The following SYTL3 variants were observed in gnomAD, a reference collection of about 807,000 sequenced individuals.
SYTL3 encodes the protein synaptotagmin like 3, also known as synaptotagmin-like protein 3.
In SYTL3, 88 loss-of-function variants were observed where a neutral mutation model predicts 82.1. The observed-to-expected ratio is 1.07, with a 90% CI of 0.90 to 1.28. The LOEUF (loss-of-function observed/expected upper bound fraction) is 1.28. SYTL3 is among the 50% of genes most tolerant of loss of function. The probability of loss-of-function intolerance (pLI) is 0.00; values close to 1 mark genes in which losing one functional copy is unlikely to be tolerated. For synonymous variants in SYTL3, 311 were observed against 289.4 expected, an observed-to-expected ratio of 1.07 and a Z score of -0.76; for missense variants, 831 against 757.6, an observed-to-expected ratio of 1.10 and a Z score of -1.14.
At chr6:158,750,007 A>G (rs1788193173) in intron 12 of SYTL3, among the ~76,000 whole-genome samples, 1 of 152,204 alleles carries the variant, frequency 6.6e-6, no homozygotes, top group Admixed American at 6.5e-5. Flanking sequence ...ACATAAGACA[A>G]ATGTTCATCA....
At chr6:158,669,161 T>G (rs1777082453) in intron 5 of SYTL3, among the ~76,000 whole-genome samples, 2 of 152,248 alleles carry the variant, frequency 1.3e-5, no homozygotes, top group Admixed American at 1.3e-4. Flanking sequence ...CTTTGTATGT[T>G]TGTTTTAGCT....
intron 2 of SYTL3, among the ~76,000 whole-genome samples, chr6:158,659,378 G>A (rs146168642): frequency 7.4e-4 from 113 of 152,138 alleles, no homozygotes; most frequent in African/African-American, 2.3e-3. Flanking sequence ...TTCTTGAGAC[G>A]GAGTTTCACT....
At chr6:158,654,217 G>A (rs1788401475) in intron 2 of SYTL3, among the ~76,000 whole-genome samples, 1 of 152,118 alleles carries the variant, frequency 6.6e-6, no homozygotes, top group African/African-American at 2.4e-5. Flanking sequence ...TGATCCTTGG[G>A]TTTTGTACTC....
At chr6:158,656,679 T>C (rs1788715578) in intron 2 of SYTL3, among the ~76,000 whole-genome samples, 1 of 151,682 alleles carries the variant, frequency 6.6e-6, no homozygotes, top group Admixed American at 6.6e-5. Context: ...GAGTGGAGAT[T>C]GTGCCACTGC....
At chr6:158,645,666 A>G (rs144403230), upstream of SYTL3, among the ~76,000 whole-genome samples, 42 of 152,252 alleles carry the variant, frequency 2.8e-4, no homozygotes, top group African/African-American at 9.6e-4. Context: ...AAAGATTGAT[A>G]TCTCTCATCT....
intron 6 of SYTL3, among the ~76,000 whole-genome samples, chr6:158,705,392 G>A (rs1422923850): frequency 6.7e-6 from 1 of 149,326 alleles, no homozygotes; most frequent in Non-Finnish European, 1.5e-5. Flanking sequence ...GACAGTGAGG[G>A]CTGTAAGGCC....
At chr6:158,645,141 C>T (rs1301356567), upstream of SYTL3, among the ~76,000 whole-genome samples, 6 of 152,158 alleles carry the variant, frequency 3.9e-5, no homozygotes, top group African/African-American at 1.4e-4. Context: ...GGCAGTGCGC[C>T]CGGTGAGACG....
intron 2 of SYTL3, among the ~76,000 whole-genome samples, chr6:158,656,461 C>A (rs1788687579): frequency 1.3e-5 from 2 of 152,216 alleles, no homozygotes; most frequent in Admixed American, 6.5e-5. Context: ...TGCGATGGCT[C>A]ACGCCTGTAA....
chr6:158,694,352 G>A (rs939130080), intron 6 of SYTL3, among the ~76,000 whole-genome samples: 2 of 151,752 alleles, frequency 1.3e-5, no homozygotes, highest in East Asian at 3.9e-4. Context: ...CTGGAGTGCA[G>A]TGGAGTGATA....
chr6:158,735,104 G>A (rs934994227), intron 11 of SYTL3, among the ~76,000 whole-genome samples: 1 of 152,104 alleles, frequency 6.6e-6, no homozygotes, highest in Non-Finnish European at 1.5e-5. Context: ...ATGCTGCCTG[G>A]TTCAGCCTCA....
At chr6:158,724,680 A>G (rs1201901465) in intron 10 of SYTL3, among the ~76,000 whole-genome samples, 1 of 152,262 alleles carries the variant, frequency 6.6e-6, no homozygotes, top group Non-Finnish European at 1.5e-5. Context: ...ATGTGTGGCT[A>G]GTGACTACCA....
chr6:158,755,845 G>A (rs1788989240), intron 13 of SYTL3, among the ~76,000 whole-genome samples: 1 of 152,166 alleles, frequency 6.6e-6, no homozygotes, highest in Non-Finnish European at 1.5e-5. Context: ...GGGCCACAGA[G>A]GTCAGCAGCG....
chr6:158,682,758 C>T (rs1419481618), intron 5 of SYTL3, among the ~76,000 whole-genome samples, 167 bp from the exon 6 acceptor site: 6 of 152,156 alleles, frequency 3.9e-5, no homozygotes, highest in South Asian at 2.1e-4. Flanking sequence ...GAAATCACTT[C>T]GCCTCTATGG....
intron 8 of SYTL3, among the ~76,000 whole-genome samples, 198 bp downstream of exon 8, chr6:158,708,589 G>A (rs1028111467): frequency 2.6e-5 from 4 of 152,158 alleles, no homozygotes; most frequent in African/African-American, 7.2e-5. Context: ...TTCTGGTCGC[G>A]GGACCCTCTG....
chr6:158,762,373 C>T (rs776033790), intron 16 of SYTL3, among the ~76,000 whole-genome samples, 195 bp downstream of exon 16: 16 of 151,980 alleles, frequency 1.1e-4, no homozygotes, highest in Non-Finnish European at 1.8e-4. Flanking sequence ...CTGGAGTACT[C>T]GAAACCCTAA....
Position 158,751,928 on chromosome 6 carries a change from G to A in SYTL3, c.1035G>A (p.Pro345=). The change falls in exon 13 of 18, where the codon CCG becomes CCA. Residue 345 remains proline, a splice_region_variant and synonymous_variant. Transcript: ENST00000611299. ...YGEEKKKKCN[P]YVKTYLLPDR... ...TGTCCCCGCTGTGTTTGGCCCCTAG[G>A]TATGTGAAGACCTACCTGTTGCCCG... is the stretch of plus-strand genomic sequence containing the variant. The A allele has an allele frequency of 6.3e-7, 1 of 1,595,808 alleles. No homozygotes were observed. Among genetic ancestry groups the A allele is most frequent in the South Asian group, 1.1e-5 (1 of 87,898 alleles).
intron 6 of SYTL3, among the ~76,000 whole-genome samples, chr6:158,691,172 C>T (rs1779818870): frequency 2.0e-5 from 3 of 151,982 alleles, no homozygotes; most frequent in Non-Finnish European, 4.4e-5. Flanking sequence ...CATGGTGAAA[C>T]GCTGTCTCTA....
chr6:158,670,574 G>A (rs1360062517), intron 5 of SYTL3, among the ~76,000 whole-genome samples: 1 of 152,064 alleles, frequency 6.6e-6, no homozygotes, highest in Non-Finnish European at 1.5e-5. Context: ...TTGACGTCAG[G>A]AGTTCAAGAC....
chr6:158,690,414 A>G (rs1442148823), intron 6 of SYTL3, among the ~76,000 whole-genome samples: 1 of 152,200 alleles, frequency 6.6e-6, no homozygotes, highest in Non-Finnish European at 1.5e-5. Flanking sequence ...CAGTAATTCC[A>G]GGAATCATTA....
Sources: gnomAD v4.1 joint callset for allele counts (sites outside exome capture counted in the v4.1 genomes callset) on GRCh38, gnomAD v4.1.1 for gene constraint, MANE v1.5 for transcripts, NCBI Gene and HGNC (gene_info 2026-07-23, HGNC 2026-07-21) for gene names.